HHAT: variants seen among roughly 807,000 people sequenced by gnomAD.
HHAT encodes the protein hedgehog acyltransferase, also known as protein-cysteine N-palmitoyltransferase HHAT.
Under a neutral mutation model 70.8 loss-of-function variants are expected in HHAT, and 47 were observed. The ratio of observed to expected loss-of-function variants is 0.66; its 90% CI spans 0.53 to 0.85. The LOEUF is 0.85. Among genes scored for constraint, HHAT ranks in the 40% least tolerant of loss-of-function variants. The probability of loss-of-function intolerance (pLI) is 0.00; values close to 1 mark genes in which losing one functional copy is unlikely to be tolerated. For synonymous variants in HHAT, 228 were observed against 247.6 expected, an observed-to-expected ratio of 0.92 and a Z score of 0.74; for missense variants, 609 against 604.8, an observed-to-expected ratio of 1.01 and a Z score of -0.07.
intron 1 of HHAT, 72 bp downstream of exon 1, chr1:210,329,176 T>TTA: frequency 9.0e-7 from 1 of 1,106,806 alleles, no homozygotes; most frequent in African/African-American, 1.6e-5. Flanking sequence ...TTTACTCTGT[T>TTA]AAAAAAAAAA....
intron 3 of HHAT, among the ~76,000 whole-genome samples, chr1:210,376,412 G>T (rs1335712647): frequency 6.6e-6 from 1 of 152,134 alleles, no homozygotes; most frequent in Non-Finnish European, 1.5e-5. Flanking sequence ...GTTAGTGGAG[G>T]GATAGGGATA....
chr1:210,459,545 G>C (rs2093937789), intron 7 of HHAT, among the ~76,000 whole-genome samples: 1 of 152,142 alleles, frequency 6.6e-6, no homozygotes, highest in South Asian at 2.1e-4. Context: ...AGTATGATGA[G>C]AGAGGACAGA....
chr1:210,672,285 C>G (rs1427762438), intron 11 of HHAT, among the ~76,000 whole-genome samples: 2 of 152,212 alleles, frequency 1.3e-5, no homozygotes, highest in Non-Finnish European at 2.9e-5. Context: ...GTTGACATAA[C>G]AAGAAGAGAA....
At chr1:210,525,713 A>G (rs567625060) in intron 9 of HHAT, among the ~76,000 whole-genome samples, 237 of 152,348 alleles carry the variant, frequency 1.6e-3, no homozygotes, top group African/African-American at 5.4e-3. Flanking sequence ...AGCTTTATCA[A>G]TACAGATGTT....
rs759709705 is a variant in HHAT, at chr1:210,466,873, CAT to C, written c.1007+2222_1007+2223del. Among the ~76,000 whole-genome samples the C allele has an allele frequency of 5.9e-5, 9 of 152,100 alleles. No homozygotes were observed. In the South Asian group the frequency reaches 6.2e-4, roughly 11 times the overall value. ...TCACTGTCTTGATTAGAACTAGACT[CAT>C]ATAGTTGAGACCCCAGGCTGCTGAA... On this transcript the variant is annotated intron_variant, in intron 8 of 11. Coordinates refer to ENST00000261458, the MANE Select transcript of HHAT (RefSeq NM_018194.6).
chr1:210,424,495 T>A (rs2093000952), intron 7 of HHAT, among the ~76,000 whole-genome samples: 2 of 141,696 alleles, frequency 1.4e-5, no homozygotes, highest in Non-Finnish European at 3.0e-5. Flanking sequence ...ATAGGTAAAT[T>A]TGTGCCATGG....
chr1:210,429,603 T>C (rs952602868), intron 7 of HHAT, among the ~76,000 whole-genome samples: 2 of 145,022 alleles, frequency 1.4e-5, no homozygotes, highest in African/African-American at 5.1e-5. Context: ...ATTTTTTTTT[T>C]TGCAAAAATA....
At chr1:210,418,089 C>A (rs1385536958) in intron 6 of HHAT, 65 bp from the exon 7 acceptor site, 4 of 1,492,422 alleles carry the variant, frequency 2.7e-6, no homozygotes, top group Non-Finnish European at 3.7e-6. Flanking sequence ...TATGAAAAAT[C>A]TTATCTAAGG....
At chr1:210,450,295 G>C (rs1031640319) in intron 7 of HHAT, among the ~76,000 whole-genome samples, 16 of 24,882 alleles carry the variant, frequency 6.4e-4, no homozygotes, top group East Asian at 9.1e-4. Context: ...CGTCTCAGGT[G>C]GGGGGGGTGG....
chr1:210,510,255 A>G (rs890881768), intron 8 of HHAT, among the ~76,000 whole-genome samples: 1 of 152,160 alleles, frequency 6.6e-6, no homozygotes, highest in Middle Eastern at 3.2e-3. Context: ...TCTATGAGGA[A>G]GGGCACCTGG....
At chr1:210,667,414 T>G (rs1970425) in intron 11 of HHAT, among the ~76,000 whole-genome samples, 116,657 of 151,742 alleles carry the variant, frequency 0.77, 47,261 homozygotes, top group Non-Finnish European at 0.91. Flanking sequence ...AAATAATTAT[T>G]TTTTCTCACA....
At chr1:210,507,458 T>C (rs887909301) in intron 8 of HHAT, among the ~76,000 whole-genome samples, 3 of 151,304 alleles carry the variant, frequency 2.0e-5, no homozygotes, top group Non-Finnish European at 4.4e-5. Context: ...CCTCCTGGGT[T>C]CAAGTGATTC....
chr1:210,343,389 C>T (rs1282124439), intron 1 of HHAT, among the ~76,000 whole-genome samples: 1 of 152,212 alleles, frequency 6.6e-6, no homozygotes, highest in Non-Finnish European at 1.5e-5. Flanking sequence ...CTCCTTCCTT[C>T]AGTCTCCTAA....
rs138816472 is a variant in HHAT, at chr1:210,672,780, A to T, written c.1391-1508A>T. Among the ~76,000 whole-genome samples, 21 of 152,330 alleles carry T rather than the reference A, an allele frequency of 1.4e-4. No individual in the cohort carries two copies. In the East Asian group the frequency reaches 4.1e-3, roughly 29 times the overall value. On this transcript the variant is annotated intron_variant, in intron 11 of 11. Transcript: ENST00000261458. ...AAGAAGAAAAAGAAAAGAACATCAG[A>T]TATTCTAAGACAAGTATTTGTAGAG...
At chr1:210,528,626 TATTA>T (rs1230186920) in intron 9 of HHAT, among the ~76,000 whole-genome samples, 6 of 152,238 alleles carry the variant, frequency 3.9e-5, no homozygotes, top group Admixed American at 3.3e-4. Context: ...TAGTATAGCC[TATTA>T]ATTAATATGC....
chr1:210,442,948 A>T (rs1288124236), intron 7 of HHAT, among the ~76,000 whole-genome samples: 2 of 151,870 alleles, frequency 1.3e-5, no homozygotes, highest in African/African-American at 2.4e-5. Context: ...CTGAATGGTA[A>T]TGCCTAGGTT....
At chr1:210,637,379 G>T (rs2148903421) in intron 11 of HHAT, among the ~76,000 whole-genome samples, 1 of 152,162 alleles carries the variant, frequency 6.6e-6, no homozygotes, top group East Asian at 1.9e-4. Context: ...TGACACCAAA[G>T]ATACAAGTAA....
At position 210,645,491 on chromosome 1, in the gene HHAT, G is replaced by T. The variant is rs140091897; in HGVS notation, c.1390+21821G>T. 2.7e-4 allele frequency among the ~76,000 whole-genome samples: 41 copies of T among 152,246 alleles called. No homozygotes were observed. The East Asian group carries it at 7.7e-3, about 29-fold the overall frequency. ...GATGGGGTTTCACCATGTTAGCCAG[G>T]AAGGTATAATTTTTATACAGTAAAA... On this transcript the variant is annotated intron_variant, in intron 11 of 11. Coordinates refer to ENST00000261458, the MANE Select transcript of HHAT (RefSeq NM_018194.6).
At chr1:210,526,134 A>G (rs1573035108) in intron 9 of HHAT, among the ~76,000 whole-genome samples, 1 of 152,196 alleles carries the variant, frequency 6.6e-6, no homozygotes, top group East Asian at 1.9e-4. Flanking sequence ...TAGTGGTGAC[A>G]CCGAGCTTGG....
Sources: allele counts gnomAD v4.1 joint callset (sites outside exome capture counted in the v4.1 genomes callset), GRCh38; gene constraint gnomAD v4.1.1; transcripts MANE v1.5; gene names NCBI Gene and HGNC (gene_info 2026-07-23, HGNC 2026-07-21).